Variants in RUNX1 observed in about 807,000 individuals in gnomAD.
RUNX1 encodes RUNX family transcription factor 1, also known as runt-related transcription factor 1.
RUNX1 carries 19 observed loss-of-function variants against 42.8 expected under a neutral mutation model. The ratio of observed to expected loss-of-function variants is 0.44; its 90% CI spans 0.31 to 0.65. RUNX1 has a LOEUF of 0.65. Among genes scored for constraint, RUNX1 ranks in the 30% least tolerant of loss-of-function variants. The probability of loss-of-function intolerance (pLI) is 0.07; values close to 1 mark genes in which losing one functional copy is unlikely to be tolerated. For missense variants in RUNX1, 528 were observed against 672.0 expected (o/e 0.79, Z 2.37); for synonymous variants, 271 against 289.4 (o/e 0.94, Z 0.64).
intron 3 of RUNX1, chr21:34,887,525 G>A (rs1348009101): frequency 9.6e-6 from 11 of 1,149,678 alleles, no homozygotes; most frequent in Non-Finnish European, 1.2e-5. Flanking sequence ...TTATTTGGAA[G>A]TTCCAGTAGT....
At chr21:34,980,985 G>C (rs2058842110) in intron 2 of RUNX1, among the ~76,000 whole-genome samples, 1 of 152,208 alleles carries the variant, frequency 6.6e-6, no homozygotes, top group Admixed American at 6.5e-5. Context: ...AGAAGACGTA[G>C]GCGGAAATTT....
At position 34,849,284 on chromosome 21, in the gene RUNX1, ATAT is replaced by A. The variant is rs1244092624; in HGVS notation, c.613+10187_613+10189del. ...TATATATATAATATATATATAATAT[ATAT>A]TATATATAAAATATATAATATATAT... On this transcript the variant is annotated intron_variant, in intron 6 of 8. Coordinates refer to ENST00000675419, the MANE Select transcript of RUNX1 (RefSeq NM_001754.5). 2.1e-4 allele frequency among the ~76,000 whole-genome samples: 13 copies of A among 62,870 alleles called. 1 individual carries two copies. In the East Asian group the frequency reaches 2.5e-3, roughly 12 times the overall value. The allele number at this position is 62,870 out of a possible 152,430, so 41.2% of individuals were successfully genotyped here. A position where few individuals can be genotyped will look rare whatever the true frequency, so the allele number is the denominator to read the frequency against.
intron 8 of RUNX1, among the ~76,000 whole-genome samples, chr21:34,795,492 T>C (rs189001829): frequency 6.6e-6 from 1 of 152,176 alleles, no homozygotes; most frequent in African/African-American, 2.4e-5. Flanking sequence ...TTAAAGTTTA[T>C]AGAAACAGCC....
In RUNX1 at chr21:35,042,034, C is replaced by T. The variant is rs181612565; in HGVS notation, c.58+6808G>A. Among the ~76,000 whole-genome samples the T allele has an allele frequency of 2.7e-3, 412 of 152,200 alleles. 4 individuals are homozygous for T. Among genetic ancestry groups the T allele is most frequent in the African/African-American group, 9.4e-3 (392 of 41,528 alleles). ...GCAACTATTTCCAGCTGCGAGAAACCGATCAACCTCACAGCAAGGTGTGGT... is the reference window on the plus strand; with the variant it reads ...GCAACTATTTCCAGCTGCGAGAAACTGATCAACCTCACAGCAAGGTGTGGT... On this transcript the variant is annotated intron_variant, in intron 2 of 8. Transcript: ENST00000675419.
intron 6 of RUNX1, among the ~76,000 whole-genome samples, chr21:34,855,345 T>G (rs1601462495): frequency 6.6e-6 from 1 of 152,288 alleles, no homozygotes; most frequent in East Asian, 1.9e-4. Flanking sequence ...ACACCTAAAT[T>G]ACAGATTTGT....
At chr21:35,003,776 A>G (rs1235969220) in intron 2 of RUNX1, among the ~76,000 whole-genome samples, 1 of 152,194 alleles carries the variant, frequency 6.6e-6, no homozygotes, top group Non-Finnish European at 1.5e-5. Flanking sequence ...GGAGAAACTG[A>G]TGCTTCTTAC....
chr21:34,800,143 A>T (rs952777893), intron 7 of RUNX1, among the ~76,000 whole-genome samples: 1 of 152,194 alleles, frequency 6.6e-6, no homozygotes, highest in African/African-American at 2.4e-5. Flanking sequence ...TAAAAGTCAG[A>T]GTTTTTAGCA....
chr21:34,873,524 C>T (rs1222254188), intron 5 of RUNX1, among the ~76,000 whole-genome samples: 2 of 152,240 alleles, frequency 1.3e-5, no homozygotes, highest in Non-Finnish European at 2.9e-5. Flanking sequence ...GTTTAAATGG[C>T]TCCTAAATGA....
At chr21:34,833,298 G>A (rs1054903407) in intron 7 of RUNX1, 2 of 152,196 alleles carry the variant, frequency 1.3e-5, no homozygotes, top group African/African-American at 2.4e-5. Flanking sequence ...TAGAGTTGGG[G>A]TTTCACCATG....
chr21:34,974,255 A>G (rs1389290382), intron 2 of RUNX1, among the ~76,000 whole-genome samples: 1 of 152,026 alleles, frequency 6.6e-6, no homozygotes, highest in Non-Finnish European at 1.5e-5. Context: ...ATAAGTAACC[A>G]CCAGTCACCT....
At chr21:35,011,740 T>C (rs2146913708) in intron 2 of RUNX1, among the ~76,000 whole-genome samples, 1 of 152,300 alleles carries the variant, frequency 6.6e-6, no homozygotes, top group Admixed American at 6.5e-5. Context: ...ACAAGAATTC[T>C]TGCTAATTAC....
At chr21:35,002,193 T>C (rs1290604685) in intron 2 of RUNX1, among the ~76,000 whole-genome samples, 1 of 151,818 alleles carries the variant, frequency 6.6e-6, no homozygotes, top group Non-Finnish European at 1.5e-5. Flanking sequence ...TTGCTGTTTC[T>C]CCTTCCTGGT....
At position 34,871,846 on chromosome 21, in the gene RUNX1, C is replaced by CT. The variant is rs10546742; in HGVS notation, c.508+8710dup. On this transcript the variant is annotated intron_variant, in intron 5 of 8. Coordinates refer to ENST00000675419, the MANE Select transcript of RUNX1 (RefSeq NM_001754.5). ...ACACACCAAGACCTTGCTTTTATCA[C>CT]TTTTTTTTTTTTTTTTAGACGGAGT... 8.7e-4 allele frequency among the ~76,000 whole-genome samples: 124 copies of CT among 143,258 alleles called. 1 individual carries two copies. Among genetic ancestry groups the CT allele is most frequent in the Admixed American group, 2.5e-3 (36 of 14,444 alleles). The allele number at this position is 143,258 out of a possible 152,430, so 94.0% of individuals were successfully genotyped here.
At chr21:34,895,564 A>G (rs980992174) in intron 2 of RUNX1, among the ~76,000 whole-genome samples, 3 of 152,216 alleles carry the variant, frequency 2.0e-5, no homozygotes, top group Middle Eastern at 3.4e-3. Context: ...AGGTGGTTCA[A>G]AGAGCTAGAG....
rs1601333461 is a variant in RUNX1 at position 34,792,502 on chromosome 21, G to A, written c.1076C>T (p.Pro359Leu). Residue 359 changes from proline (P) to leucine (L), a missense_variant, in exon 9 of 9, where the codon CCG becomes CTG. This residue lies in a region of RUNX1 where 331 missense variants were observed against 382.5 expected (regional missense o/e 0.87). Coordinates refer to ENST00000675419, the MANE Select transcript of RUNX1 (RefSeq NM_001754.5). This position sits in a 1 kb window ranked among gnomAD's most constrained non-coding sequence, Gnocchi z 6.9. The part of the protein sequence containing the change: ...YPGAFTYSPT[P>L]VTSGIGIGMS... ...GCCGATGCCGATGCCCGAGGTGACC[G>A]GCGTCGGGGAGTAGGTGAAGGCGCC... The A allele has an allele frequency of 6.3e-7, 1 of 1,598,476 alleles. No individual in the cohort carries two copies. The highest frequency in any genetic ancestry group is 1.7e-4 in the Middle Eastern group (1 of 6,040).
At chr21:34,829,569 A>G (rs1404915244) in intron 7 of RUNX1, among the ~76,000 whole-genome samples, 1 of 152,210 alleles carries the variant, frequency 6.6e-6, no homozygotes, top group Non-Finnish European at 1.5e-5. Context: ...ACACCTTGTT[A>G]AAAGCTATTT....
intron 2 of RUNX1, among the ~76,000 whole-genome samples, chr21:35,028,733 G>A (rs555314729): frequency 1.1e-4 from 17 of 152,300 alleles, no homozygotes; most frequent in African/African-American, 3.4e-4. Context: ...ACTTTCTAAC[G>A]CAGTGTCATG....
chr21:35,015,532 G>A (rs1350805540), intron 2 of RUNX1, among the ~76,000 whole-genome samples: 1 of 152,180 alleles, frequency 6.6e-6, no homozygotes, highest in Non-Finnish European at 1.5e-5. Context: ...ATACAATGAT[G>A]CCAGTGGTGG....
At chr21:34,987,872 C>T (rs1319948593) in intron 2 of RUNX1, among the ~76,000 whole-genome samples, 1 of 152,166 alleles carries the variant, frequency 6.6e-6, no homozygotes, top group Non-Finnish European at 1.5e-5. Flanking sequence ...AGGGGACAGT[C>T]TTGTGTGATG....
Sources: allele counts gnomAD v4.1 joint callset (sites outside exome capture counted in the v4.1 genomes callset), GRCh38; gene constraint gnomAD v4.1.1; regional missense constraint gnomAD v4.1.1; non-coding constraint Gnocchi (gnomAD v3.1); transcripts MANE v1.5; gene names NCBI Gene and HGNC (gene_info 2026-07-23, HGNC 2026-07-21).